Variants in TUSC3 observed in about 807,000 individuals in gnomAD.
TUSC3 encodes tumor suppressor candidate 3.
Under a neutral mutation model 44.8 loss-of-function variants are expected in TUSC3, and 45 were observed. The observed-to-expected ratio is 1.00, with a 90% CI of 0.79 to 1.29. The LOEUF is 1.29. Ranked by LOEUF, TUSC3 falls within the 50% of genes most tolerant of loss-of-function variation. The pLI is 0.00. For missense variants in TUSC3, 519 were observed against 437.9 expected, an observed-to-expected ratio of 1.19 and a Z score of -1.65; for synonymous variants, 212 against 152.9, an observed-to-expected ratio of 1.39 and a Z score of -2.85.
intron 2 of TUSC3, among the ~76,000 whole-genome samples, chr8:15,529,114 A>G (rs1489277474): frequency 2.0e-5 from 3 of 152,214 alleles, no homozygotes; most frequent in Non-Finnish European, 4.4e-5. Context: ...AATATAACCA[A>G]ATCATATGCT....
chr8:15,443,335 A>AG (rs1563252066), intron 1 of TUSC3, among the ~76,000 whole-genome samples: 1 of 75,000 alleles, frequency 1.3e-5, no homozygotes, highest in Non-Finnish European at 2.7e-5. Context: ...CACCCACCTA[A>AG]TTGTGTGTGT....
At chr8:15,752,364 A>T (rs1403059703) in intron 9 of TUSC3, among the ~76,000 whole-genome samples, 1 of 144,718 alleles carries the variant, frequency 6.9e-6, no homozygotes, top group African/African-American at 2.5e-5. Flanking sequence ...CTCAATAGTG[A>T]ACGTTTCTGG....
chr8:15,796,298 C>T, the TUSC3 span, among the ~76,000 whole-genome samples: 5 of 152,090 alleles, frequency 3.3e-5, no homozygotes, highest in African/African-American at 1.2e-4. Context: ...GGTGAGTGGT[C>T]CACGTGTTTT....
intron 1 of TUSC3, among the ~76,000 whole-genome samples, chr8:15,547,713 A>C (rs1277532128): frequency 1.3e-5 from 2 of 151,322 alleles, no homozygotes; most frequent in African/African-American, 2.4e-5. Context: ...TGCCGCCCTC[A>C]TGAATTAGAT....
At chr8:15,490,499 C>T (rs879496747) in intron 2 of TUSC3, among the ~76,000 whole-genome samples, 6 of 152,074 alleles carry the variant, frequency 3.9e-5, no homozygotes, top group Admixed American at 2.0e-4. Flanking sequence ...GGCCTGCTGA[C>T]GTTGAGGTTT....
chr8:15,453,267 T>G (rs1193396964), intron 1 of TUSC3, among the ~76,000 whole-genome samples: 1 of 152,142 alleles, frequency 6.6e-6, no homozygotes, highest in African/African-American at 2.4e-5. Context: ...TTTTCAAATT[T>G]TAACCATGTC....
intron 1 of TUSC3, among the ~76,000 whole-genome samples, chr8:15,570,349 G>A (rs1391896145): frequency 6.6e-6 from 1 of 151,228 alleles, no homozygotes; most frequent in Middle Eastern, 3.2e-3. Context: ...GTTTTCTAAT[G>A]TTGCTTGCTG....
intron 1 of TUSC3, among the ~76,000 whole-genome samples, chr8:15,456,836 G>A (rs75230296): frequency 6.6e-6 from 1 of 152,022 alleles, no homozygotes; most frequent in Non-Finnish European, 1.5e-5. Context: ...AAAACATTTT[G>A]TTGTATATAG....
At chr8:15,847,153 G>A in the TUSC3 span, among the ~76,000 whole-genome samples, 1 of 152,158 alleles carries the variant, frequency 6.6e-6, no homozygotes, top group African/African-American at 2.4e-5. Context: ...TGTATTGCAG[G>A]GACTGGAAGC....
the TUSC3 span, among the ~76,000 whole-genome samples, chr8:15,784,685 T>A: frequency 6.6e-6 from 1 of 152,104 alleles, no homozygotes; most frequent in African/African-American, 2.4e-5. Context: ...ACTGCATGAT[T>A]TCACTTACAT....
chr8:15,534,325 T>C (rs1801492545), intron 2 of TUSC3, among the ~76,000 whole-genome samples: 1 of 152,062 alleles, frequency 6.6e-6, no homozygotes, highest in Admixed American at 6.6e-5. Flanking sequence ...AGGGTTAAAT[T>C]TCTCATGGTT....
At chr8:15,822,333 TA>T in the TUSC3 span, among the ~76,000 whole-genome samples, 1 of 152,122 alleles carries the variant, frequency 6.6e-6, no homozygotes, top group Non-Finnish European at 1.5e-5. Flanking sequence ...TTTAAAAAAA[TA>T]GAGTTTGCAC....
intron 1 of TUSC3, among the ~76,000 whole-genome samples, chr8:15,562,216 T>A (rs1802502488): frequency 6.6e-6 from 1 of 152,166 alleles, no homozygotes. Flanking sequence ...TGTAGTGATT[T>A]ACCAACACTG....
chr8:15,789,209 A>T, the TUSC3 span, among the ~76,000 whole-genome samples: 1 of 152,174 alleles, frequency 6.6e-6, no homozygotes, highest in Non-Finnish European at 1.5e-5. Context: ...GAGGCGGCTC[A>T]TGTCACTGAC....
At chr8:15,626,392 G>T (rs887417009) in intron 2 of TUSC3, among the ~76,000 whole-genome samples, 1 of 152,202 alleles carries the variant, frequency 6.6e-6, no homozygotes, top group Admixed American at 6.5e-5. Flanking sequence ...ACTGGGTCTG[G>T]GGCAGTGCTG....
chr8:15,701,848 CT>C (rs1286325710), intron 6 of TUSC3, among the ~76,000 whole-genome samples: 2 of 152,112 alleles, frequency 1.3e-5, no homozygotes, highest in African/African-American at 4.8e-5. Context: ...GTTGTATGGA[CT>C]GTTGTCTCTG....
At chr8:15,606,335 A>G (rs1804525847) in intron 1 of TUSC3, among the ~76,000 whole-genome samples, 1 of 152,046 alleles carries the variant, frequency 6.6e-6, no homozygotes. Context: ...TTGTAAGAAT[A>G]TTGCATATAA....
At position 15,546,678 on chromosome 8, in the gene TUSC3, G is replaced by A. The variant is rs528096183; in HGVS notation, c.138+6110G>A. Among the ~76,000 whole-genome samples, 28 of 151,624 alleles carry A rather than the reference G, an allele frequency of 1.8e-4. 1 individual carries two copies. The highest frequency in any genetic ancestry group is 1.7e-3 in the Admixed American group (26 of 15,182). ...AGCCTCCCGAGTAGCTGGGATTACA[G>A]GCATACGCCACCATGCCTGGCTAAT... On this transcript the variant is annotated intron_variant, in intron 1 of 10. Coordinates refer to ENST00000503731, the MANE Select transcript of TUSC3 (RefSeq NM_006765.4).
Position 15,468,457 on chromosome 8 carries a change from T to C in TUSC3, n.92-14929T>C, listed in dbSNP as rs1023234416. Among the ~76,000 whole-genome samples the C allele has an allele frequency of 3.9e-5, 6 of 152,174 alleles. No homozygotes were observed. The East Asian group carries it at 1.2e-3, about 29-fold the overall frequency. The stretch of plus-strand genomic sequence containing the variant: ...TCTCCCTAAGGGTACCATCTCTGCT[T>C]ATGCAGAGACATGATTCCTGATCAT... On this transcript the variant is annotated intron_variant and non_coding_transcript_variant, in intron 1 of 5. Transcript: ENST00000503191.
Sources: gnomAD v4.1 joint callset for allele counts (sites outside exome capture counted in the v4.1 genomes callset) on GRCh38, gnomAD v4.1.1 for gene constraint, MANE v1.5 for transcripts, NCBI Gene and HGNC (gene_info 2026-07-23, HGNC 2026-07-21) for gene names.